PHLDB3: variants seen among roughly 807,000 people sequenced by gnomAD.
PHLDB3 encodes pleckstrin homology like domain family B member 3.
Under a neutral mutation model 85.7 loss-of-function variants are expected in PHLDB3, and 86 were observed. The ratio of observed to expected loss-of-function variants is 1.00; its 90% CI spans 0.84 to 1.20. The LOEUF (loss-of-function observed/expected upper bound fraction) is 1.20, where lower values mean the gene tolerates loss of function less well. Ranked by LOEUF, PHLDB3 falls within the 50% of genes most tolerant of loss-of-function variation. PHLDB3 has a pLI of 0.00. For missense variants in PHLDB3, 995 were observed against 873.0 expected (o/e 1.14, Z -1.76); for synonymous variants, 376 against 349.8 (o/e 1.07, Z -0.83).
intron 2 of PHLDB3, 137 bp from the exon 3 acceptor site, chr19:43,502,420 A>G (rs1971631460): frequency 2.7e-6 from 2 of 738,366 alleles, no homozygotes; most frequent in Non-Finnish European, 2.1e-6. Flanking sequence ...CACCACTCCC[A>G]TAATCTGTCG....
At chr19:43,497,487 G>A (rs961304719) in intron 5 of PHLDB3, among the ~76,000 whole-genome samples, 1 of 152,170 alleles carries the variant, frequency 6.6e-6, no homozygotes, top group East Asian at 1.9e-4. Context: ...GGCCGAGGCA[G>A]GTGGATCACC....
In PHLDB3 at chr19:43,500,907, GT is replaced by G. The variant is rs1321446626; in HGVS notation, c.534+826del. Among the ~76,000 whole-genome samples the G allele has an allele frequency of 1.5e-3, 10 of 6,608 alleles. No homozygotes were observed. In the South Asian group the frequency reaches 0.026, roughly 17 times the overall value. The allele number at this position is 6,608 out of a possible 152,430, so 4.3% of individuals were successfully genotyped here. On this transcript the variant is annotated intron_variant, in intron 4 of 15. Transcript: ENST00000292140. ...ATCCTCCCACTTTGCCCCGCCCCCC[GT>G]ACCCCCCCCCCACCCCGCAAGTACT... is the stretch of plus-strand genomic sequence containing the variant.
Position 43,497,836 on chromosome 19 carries a change from C to G in PHLDB3, c.575G>C (p.Gly192Ala). 1.3e-6 allele frequency: 2 copies of G among 1,575,838 alleles called. No individual in the cohort carries two copies. Among genetic ancestry groups the G allele is most frequent in the Non-Finnish European group, 1.7e-6 (2 of 1,161,230 alleles). The change falls in exon 5 of 16, where the codon GGT (glycine) becomes GCT (alanine). Residue 192 changes from glycine (G) to alanine (A), a missense_variant. Gly to Ala is a moderately conservative substitution (Grantham distance 60). Transcript: ENST00000292140. Reference sequence around the variant, plus strand: ...GGCCTTGCGGAGTCTCTGGCGAAGACCCTCTAGGCGATCCCGTTCCTGGCT... The same window carrying G: ...GGCCTTGCGGAGTCTCTGGCGAAGAGCCTCTAGGCGATCCCGTTCCTGGCT... ...RLSQERDRLE[G>A]LRQRLRKAQG...
chr19:43,479,758 T>C (rs1380526669), intron 13 of PHLDB3, among the ~76,000 whole-genome samples, 165 bp from the exon 14 acceptor site: 1 of 152,156 alleles, frequency 6.6e-6, no homozygotes, highest in African/African-American at 2.4e-5. Flanking sequence ...GCTACGTGGA[T>C]TGACTGTGAT....
chr19:43,479,445 C>T lies in PHLDB3; in HGVS notation c.1634G>A (p.Arg545His), dbSNP rs200179651. Residue 545 changes from arginine to histidine, a missense_variant, in exon 14 of 16, where the codon CGC (arginine) becomes CAC (histidine). By Grantham distance (29) the Arg-to-His change is conservative. Coordinates refer to ENST00000292140, the MANE Select transcript of PHLDB3 (RefSeq NM_198850.4). ...CRGPLVKMGG[R>H]IKTWRKRWFC... ...CCATCGCTTCCTCCAGGTCTTGATGCGGCCGCCCATCTTCACCAGGGGTCC... is the reference window on the plus strand; with the variant it reads ...CCATCGCTTCCTCCAGGTCTTGATGTGGCCGCCCATCTTCACCAGGGGTCC... 1.9e-4 allele frequency: 293 copies of T among 1,566,392 alleles called. No homozygotes were observed. Among genetic ancestry groups the T allele is most frequent in the Non-Finnish European group, 2.4e-4 (274 of 1,155,938 alleles).
intron 13 of PHLDB3, among the ~76,000 whole-genome samples, chr19:43,485,638 A>G (rs1275819661): frequency 6.6e-6 from 1 of 150,382 alleles, no homozygotes; most frequent in East Asian, 1.9e-4. Flanking sequence ...GCTCACTGCA[A>G]CCTCCACCTG....
intron 9 of PHLDB3, among the ~76,000 whole-genome samples, chr19:43,487,947 C>T (rs1181048552): frequency 6.6e-6 from 1 of 151,402 alleles, no homozygotes; most frequent in Non-Finnish European, 1.5e-5. Flanking sequence ...TGAGGTCAGG[C>T]GTTTGAGACC....
chr19:43,497,713 A>C, intron 5 of PHLDB3, 35 bp downstream of exon 5: 1 of 1,545,556 alleles, frequency 6.5e-7, no homozygotes, highest in East Asian at 2.4e-5. Context: ...CTCTGTCTCA[A>C]AAAAAACAAA....
In PHLDB3 at chr19:43,502,103, C is replaced by T. The variant is rs1369157289; in HGVS notation, c.394G>A (p.Glu132Lys). ...LQRQRKELRI[E>K]MEVEVALLRG... ...TCCCAAGGGGTCCGCAGCCTCACCT[C>T]GATCCTCAGCTCCTTCCTCTGGCGC... The change falls in exon 3 of 16, where the codon GAG becomes AAG. Residue 132 changes from glutamate (E) to lysine (K), a missense_variant and splice_region_variant. Transcript: ENST00000292140. 1.3e-6 allele frequency: 2 copies of T among 1,569,960 alleles called. No homozygotes were observed. The highest frequency in any genetic ancestry group is 4.7e-5 in the East Asian group (2 of 42,118).
chr19:43,500,515 A>G (rs1971562614), intron 4 of PHLDB3, among the ~76,000 whole-genome samples: 1 of 152,210 alleles, frequency 6.6e-6, no homozygotes, highest in Non-Finnish European at 1.5e-5. Context: ...AATGGGCAAG[A>G]CGTATCAGCC....
At chr19:43,485,225 T>C (rs1409589430) in intron 13 of PHLDB3, among the ~76,000 whole-genome samples, 5 of 151,884 alleles carry the variant, frequency 3.3e-5, no homozygotes, top group Admixed American at 2.0e-4. Flanking sequence ...TTTTGTTTTT[T>C]TTTTTGAGAC....
intron 2 of PHLDB3, among the ~76,000 whole-genome samples, chr19:43,503,293 T>TCTCTCTCTCC (rs1193882881): frequency 1.9e-5 from 1 of 53,164 alleles, no homozygotes; most frequent in Non-Finnish European, 3.5e-5. Flanking sequence ...TCTCTCTCTC[T>TCTCTCTCTCC]CTCTCTCTCT....
chr19:43,477,481 C>G (rs1261232592), intron 15 of PHLDB3, among the ~76,000 whole-genome samples: 4 of 136,446 alleles, frequency 2.9e-5, no homozygotes, highest in African/African-American at 8.5e-5. Flanking sequence ...GGCGCCACCG[C>G]ACTCCAGCCT....
chr19:43,477,802 T>A (rs1171541004), intron 15 of PHLDB3, among the ~76,000 whole-genome samples: 2 of 151,210 alleles, frequency 1.3e-5, no homozygotes, highest in Non-Finnish European at 2.9e-5. Flanking sequence ...AATGAGACTC[T>A]GTCTTAAAAA....
intron 9 of PHLDB3, among the ~76,000 whole-genome samples, chr19:43,488,665 T>G (rs1662191345): frequency 1.3e-5 from 2 of 152,028 alleles, no homozygotes; most frequent in Admixed American, 1.3e-4. Flanking sequence ...ATGGATACAC[T>G]CATACACATG....
rs1209575421 is a variant in PHLDB3 at position 43,479,400 on chromosome 19, G to A, written c.1679C>T (p.Ala560Val). The part of the protein sequence containing the change: ...RKRWFCFDRQ[A>V]RRLAYYADKE... ...ACCCGCATAGTAGGCCAAGCGGCGG[G>A]CTTGGCGGTCAAAGCAGAACCATCG... The change falls in exon 14 of 16, where the codon GCC becomes GTC. Residue 560 changes from alanine to valine, a missense_variant. Ala to Val is a moderately conservative substitution (Grantham distance 64). Transcript: ENST00000292140. The A allele has an allele frequency of 6.4e-7, 1 of 1,563,346 alleles. No homozygotes were observed. The highest frequency in any genetic ancestry group is 1.4e-5 in the African/African-American group (1 of 73,608).
At chr19:43,494,576 A>C (rs1971396514) in intron 9 of PHLDB3, 126 bp downstream of exon 9, 1 of 721,346 alleles carries the variant, frequency 1.4e-6, no homozygotes, top group Admixed American at 2.8e-5. Context: ...CCTATCCCCC[A>C]CCGGCCCCAT....
chr19:43,496,943 A>G, intron 6 of PHLDB3, 175 bp downstream of exon 6: 1 of 982,370 alleles, frequency 1.0e-6, no homozygotes, highest in Non-Finnish European at 1.3e-6. Flanking sequence ...AATGCTCATG[A>G]AATATTCAGG....
At position 43,495,292 on chromosome 19, in the gene PHLDB3, G is replaced by C. The variant is rs774941178; in HGVS notation, c.999C>G (p.Gly333=). The C allele has an allele frequency of 1.9e-6, 3 of 1,613,808 alleles. No individual in the cohort carries two copies. The highest frequency in any genetic ancestry group is 2.5e-6 in the Non-Finnish European group (3 of 1,179,802). The change falls in exon 8 of 16, where the codon GGC becomes GGG. Residue 333 remains glycine (G), a synonymous_variant. Coordinates refer to ENST00000292140, the MANE Select transcript of PHLDB3 (RefSeq NM_198850.4). ...CCGGGTTGGGCTCAGAGAAGTCCCC[G>C]CCAGGTGTTCCCTGAAGGCAATTGA... ...LELNCLQGTP[G]GDFSEPNPAL... is the part of the protein sequence containing the mutation.
Sources: gnomAD v4.1 joint callset for allele counts (sites outside exome capture counted in the v4.1 genomes callset) on GRCh38, gnomAD v4.1.1 for gene constraint, MANE v1.5 for transcripts, NCBI Gene and HGNC (gene_info 2026-07-23, HGNC 2026-07-21) for gene names.